The following ASAP2 variants were observed in gnomAD, a reference collection of about 807,000 sequenced individuals.
The protein encoded by ASAP2 is arf-GAP with SH3 domain, ANK repeat and PH domain-containing protein 2.
A neutral mutation model predicts 131.4 loss-of-function variants in ASAP2; 45 were observed. That is an observed-to-expected ratio of 0.34 (90% confidence interval 0.27 to 0.44). ASAP2 has a LOEUF of 0.44. Ranked by LOEUF, ASAP2 falls within the 20% of genes least tolerant of loss-of-function variation. The probability of loss-of-function intolerance (pLI) is 1.00; values close to 1 mark genes in which losing one functional copy is unlikely to be tolerated. For missense variants in ASAP2, 1,011 were observed against 1,297.0 expected (o/e 0.78, Z 3.39); for synonymous variants, 510 against 503.0 (o/e 1.01, Z -0.19).
chr2:9,356,252 G>T lies in ASAP2; in HGVS notation c.1234G>T (p.Glu412Ter). Residue 412 changes from glutamate to a stop codon, truncating the protein, a stop_gained, in exon 14 of 28, where the codon GAA (glutamate) becomes TAA (stop). Coordinates refer to ENST00000281419, the MANE Select transcript of ASAP2 (RefSeq NM_003887.3). LOFTEE classifies it high-confidence loss of function. ...ATTTAAGGGGGATGACAATACTGGA[G>T]AAAATAACATCGTCCAAGAACTGAC... The part of the protein sequence containing the change: ...NAFKGDDNTG[E>*]NNIVQELTKE... 1 of 1,614,106 alleles carries T rather than the reference G, an allele frequency of 6.2e-7. No homozygotes were observed. The highest frequency in any genetic ancestry group is 8.5e-7 in the Non-Finnish European group (1 of 1,179,978).
At chr2:9,270,785 A>ATTTTTTTTTTCTTTTTTTTTTTTTTT (rs1666301780) in intron 1 of ASAP2, among the ~76,000 whole-genome samples, 3 of 52,924 alleles carry the variant, frequency 5.7e-5, no homozygotes, top group Non-Finnish European at 1.0e-4. Context: ...AATTGTTTTC[A>ATTTTTTTTTTCTTTTTTTTTTTTTTT]TTTTTTTTTT....
At chr2:9,224,394 C>T (rs1662624934) in intron 1 of ASAP2, among the ~76,000 whole-genome samples, 1 of 152,156 alleles carries the variant, frequency 6.6e-6, no homozygotes, top group East Asian at 1.9e-4. Context: ...AACATGATGC[C>T]TAGCATACAT....
At position 9,310,557 on chromosome 2, in the gene ASAP2, C is replaced by T. The variant is rs78078899; in HGVS notation, c.346-7967C>T. Among the ~76,000 whole-genome samples, 342 of 152,280 alleles carry T rather than the reference C, an allele frequency of 2.2e-3. 1 individual carries two copies. Among genetic ancestry groups the T allele is most frequent in the Non-Finnish European group, 4.1e-3 (276 of 68,016 alleles). ...AGCTTCAGGCTTCTAGATGGGATCC[C>T]TTTGGGCAAGATCATTTGACAAAGC... On this transcript the variant is annotated intron_variant, in intron 3 of 27. Transcript: ENST00000281419.
intron 6 of ASAP2, among the ~76,000 whole-genome samples, chr2:9,327,163 A>C (rs1670534831): frequency 6.8e-6 from 1 of 147,864 alleles, no homozygotes; most frequent in African/African-American, 2.5e-5. Flanking sequence ...GCTGAGAGCC[A>C]GGGCATGAAT....
At chr2:9,252,043 G>T (rs1176966728) in intron 1 of ASAP2, among the ~76,000 whole-genome samples, 1 of 152,020 alleles carries the variant, frequency 6.6e-6, no homozygotes, top group African/African-American at 2.4e-5. Context: ...GTGTTAGAGT[G>T]TTAGCCTGTA....
At chr2:9,230,961 G>A (rs554525729) in intron 1 of ASAP2, among the ~76,000 whole-genome samples, 2 of 152,308 alleles carry the variant, frequency 1.3e-5, no homozygotes, top group South Asian at 4.1e-4. Context: ...TCCATGGCAG[G>A]GCACAGTCCA....
At chr2:9,334,257 C>T (rs1572479801) in intron 7 of ASAP2, among the ~76,000 whole-genome samples, 2 of 145,476 alleles carry the variant, frequency 1.4e-5, no homozygotes, top group East Asian at 2.0e-4. Context: ...GCTATGTTGG[C>T]CAGCTGGTCT....
At chr2:9,245,354 C>T (rs1664263695) in intron 1 of ASAP2, among the ~76,000 whole-genome samples, 1 of 152,136 alleles carries the variant, frequency 6.6e-6, no homozygotes, top group African/African-American at 2.4e-5. Flanking sequence ...TGGGGGCTGC[C>T]TGACACGGAG....
intron 2 of ASAP2, among the ~76,000 whole-genome samples, chr2:9,296,128 C>T (rs1024923179): frequency 1.2e-4 from 19 of 152,208 alleles, no homozygotes; most frequent in Admixed American, 3.3e-4. Flanking sequence ...AGGTTCACAC[C>T]GCAGGTCTGG....
chr2:9,366,294 G>C (rs565673395), intron 15 of ASAP2, among the ~76,000 whole-genome samples: 5 of 151,948 alleles, frequency 3.3e-5, no homozygotes, highest in Admixed American at 3.3e-4. Flanking sequence ...GCAGCTCTTC[G>C]ATTCCTGGGG....
At chr2:9,338,190 G>A (rs999388323) in intron 9 of ASAP2, among the ~76,000 whole-genome samples, 1 of 152,154 alleles carries the variant, frequency 6.6e-6, no homozygotes, top group East Asian at 1.9e-4. Context: ...ACCCAGACTT[G>A]TGTGCTTCTA....
chr2:9,241,571 A>G (rs1227176692), intron 1 of ASAP2, among the ~76,000 whole-genome samples: 1 of 152,166 alleles, frequency 6.6e-6, no homozygotes, highest in Non-Finnish European at 1.5e-5. Flanking sequence ...GCGAAACCCC[A>G]TCTTTTACCC....
chr2:9,215,734 C>G (rs1257631913), intron 1 of ASAP2, among the ~76,000 whole-genome samples: 1 of 136,112 alleles, frequency 7.3e-6, no homozygotes, highest in African/African-American at 2.8e-5. Context: ...TATTATATTT[C>G]ATAATTATTA....
chr2:9,388,402 A>G lies in ASAP2; in HGVS notation c.2239A>G (p.Lys747Glu). 1.2e-6 allele frequency: 2 copies of G among 1,614,084 alleles called. No individual in the cohort carries two copies. The highest frequency in any genetic ancestry group is 1.7e-6 in the Non-Finnish European group (2 of 1,180,008). The change falls in exon 22 of 28, where the codon AAG (lysine) becomes GAG (glutamate). Residue 747 changes from lysine to glutamate, a missense_variant. Transcript: ENST00000281419. ...GGCCAGAGATGCTGCAAACCTTGCC[A>G]AGGAGAAGCAGAGGGCTTTCATGCC... Reference protein sequence around the residue: ...SLARDAANLAKEKQRAFMPSI... With the variant: ...SLARDAANLAEEKQRAFMPSI...
At chr2:9,333,419 A>C (rs967356847) in intron 7 of ASAP2, among the ~76,000 whole-genome samples, 9 of 152,230 alleles carry the variant, frequency 5.9e-5, no homozygotes, top group Non-Finnish European at 1.3e-4. Context: ...GCTCTGAGAA[A>C]GTATAAGAAG....
intron 3 of ASAP2, among the ~76,000 whole-genome samples, chr2:9,304,587 G>T (rs1224467580): frequency 6.6e-6 from 1 of 151,200 alleles, no homozygotes; most frequent in East Asian, 1.9e-4. Flanking sequence ...AGAGGCTGTA[G>T]TCTTGGGAGT....
At chr2:9,365,707 C>T (rs895078475) in intron 15 of ASAP2, among the ~76,000 whole-genome samples, 3 of 152,224 alleles carry the variant, frequency 2.0e-5, no homozygotes, top group African/African-American at 7.2e-5. Context: ...CTGCTCTGCT[C>T]ATCTGGGCCT....
chr2:9,281,973 C>G lies in ASAP2; in HGVS notation c.199+2584C>G, dbSNP rs950431555. 2.6e-5 allele frequency among the ~76,000 whole-genome samples: 4 copies of G among 152,298 alleles called. No individual in the cohort carries two copies. Among genetic ancestry groups the G allele is most frequent in the South Asian group, 2.1e-4 (1 of 4,818 alleles). ...TCTTTGAAATAACTTGCAGTTTTCC[C>G]CAGAGAGCCACGTTTTATGCCTTCT... On this transcript the variant is annotated intron_variant, in intron 2 of 27. Coordinates refer to ENST00000281419, the MANE Select transcript of ASAP2 (RefSeq NM_003887.3). The surrounding 1 kb of genome is among the most constrained non-coding windows in gnomAD (Gnocchi z 4.0).
Position 9,350,990 on chromosome 2 carries a change from T to C in ASAP2, c.1111+95T>C, listed in dbSNP as rs753347718. The C allele has an allele frequency of 3.6e-4, 361 of 998,672 alleles. 2 individuals carry two copies. Among genetic ancestry groups the C allele is most frequent in the South Asian group, 7.4e-4 (34 of 46,088 alleles). 61.9% of individuals were successfully genotyped at this position (998,672 alleles called of 1,614,324 possible). A position where few individuals can be genotyped will look rare whatever the true frequency, so the allele number is the denominator to read the frequency against. On this transcript the variant is annotated intron_variant, in intron 12 of 27. Transcript: ENST00000281419. Reference sequence around the variant, plus strand: ...ATTTCAAACACTGCATTCGGAAGAATTGGTTTTTGAAGAGACATACCCTTT... The same window carrying C: ...ATTTCAAACACTGCATTCGGAAGAACTGGTTTTTGAAGAGACATACCCTTT...
Sources: allele counts gnomAD v4.1 joint callset (sites outside exome capture counted in the v4.1 genomes callset), GRCh38; gene constraint gnomAD v4.1.1; non-coding constraint Gnocchi (gnomAD v3.1); transcripts MANE v1.5; gene names NCBI Gene and HGNC (gene_info 2026-07-23, HGNC 2026-07-21).